The following CLDN25 variants were observed in gnomAD, a reference collection of about 807,000 sequenced individuals.
CLDN25 encodes claudin-25.
For missense variants in CLDN25, 286 were observed against 279.7 expected, an observed-to-expected ratio of 1.02 and a Z score of -0.16; for synonymous variants, 117 against 112.7, an observed-to-expected ratio of 1.04 and a Z score of -0.24.
rs1426536637 is a variant in CLDN25 at position 113,780,232 on chromosome 11, A to C, written c.437A>C (p.Gln146Pro). 3 of 1,613,600 alleles carry C rather than the reference A, an allele frequency of 1.9e-6. No homozygotes were observed. In the African/African-American group the frequency reaches 4.0e-5, roughly 22 times the overall value. ...TCCTGGGTGGCCCATGCCACAATCC[A>C]AGACTTCTGGGATGACAGCATCCCT... The change falls in exon 1 of 1, where the codon CAA (glutamine) becomes CCA (proline). Residue 146 changes from glutamine (Q) to proline (P), a missense_variant. Physicochemically the swap from Gln to Pro is moderately conservative, Grantham distance 76. Coordinates refer to ENST00000453129, the Ensembl canonical transcript of CLDN25.
chr11:113,780,002 C>T (rs1441404234), exon 1 of CLDN25: 2 of 1,614,012 alleles, frequency 1.2e-6, no homozygotes, highest in South Asian at 1.1e-5. Flanking sequence ...CCTTTGAATC[C>T]TTCTTGTCTC....
chr11:113,779,991 G>T (rs866329317), exon 1 of CLDN25: 2 of 1,613,886 alleles, frequency 1.2e-6, no homozygotes, highest in African/African-American at 1.3e-5. Context: ...TGTGTGCAAG[G>T]CCTTTGAATC....
exon 1 of CLDN25, chr11:113,780,396 G>A: frequency 6.2e-7 from 1 of 1,613,806 alleles, no homozygotes; most frequent in Non-Finnish European, 8.5e-7. Context: ...TTTGATGGCT[G>A]GTCCCACAGT....
exon 1 of CLDN25, chr11:113,780,196 T>G (rs777057182): frequency 1.9e-6 from 3 of 1,613,944 alleles, no homozygotes; most frequent in Non-Finnish European, 2.5e-6. Flanking sequence ...GCCACTACCC[T>G]CCTTCCAGTC....
exon 1 of CLDN25, chr11:113,780,267 C>A (rs746991778): frequency 2.5e-6 from 4 of 1,613,756 alleles, no homozygotes; most frequent in Non-Finnish European, 3.4e-6. Context: ...TGACATCATA[C>A]CTCGGTGGGA....
exon 1 of CLDN25, chr11:113,780,335 G>A: frequency 6.2e-7 from 1 of 1,613,790 alleles, no homozygotes; most frequent in Non-Finnish European, 8.5e-7. Flanking sequence ...CTCTTGGTGG[G>A]CTACTCCTCA....
At chr11:113,780,129 T>A (rs758997931) in exon 1 of CLDN25, 2 of 1,613,988 alleles carry the variant, frequency 1.2e-6, no homozygotes, top group Non-Finnish European at 1.7e-6. Flanking sequence ...CAGGATCAGA[T>A]GGGTATTCAA....
At chr11:113,780,037 G>T (rs781067415) in exon 1 of CLDN25, 1 of 1,614,042 alleles carries the variant, frequency 6.2e-7, no homozygotes, top group South Asian at 1.1e-5. Context: ...CAGGTAGCCC[G>T]CATCCTCATG....
At chr11:113,779,813 T>G (rs1199620128) in exon 1 of CLDN25, 6 of 1,611,614 alleles carry the variant, frequency 3.7e-6, no homozygotes, top group Middle Eastern at 3.3e-4. Flanking sequence ...GGAGTTTCCG[T>G]GCAAAAGTCC....
At chr11:113,779,816 A>T (rs371018780) in exon 1 of CLDN25, 1 of 1,611,876 alleles carries the variant, frequency 6.2e-7, no homozygotes, top group African/African-American at 1.3e-5. Context: ...GTTTCCGTGC[A>T]AAAGTCCAGC....
chr11:113,780,227 A>G, exon 1 of CLDN25: 3 of 1,613,856 alleles, frequency 1.9e-6, no homozygotes, highest in Non-Finnish European at 2.5e-6. Flanking sequence ...CCCATGCCAC[A>G]ATCCAAGACT....
In CLDN25 at chr11:113,779,858, G is replaced by A. The variant is rs769944171; in HGVS notation, c.63G>A (p.Trp21Ter). Reference sequence around the variant, plus strand: ...GGCTACTTCTCTCCCTCCTTGGCTGGGTCTGCTCCTGTGTTACCACCATCC... The same window carrying A: ...GGCTACTTCTCTCCCTCCTTGGCTGAGTCTGCTCCTGTGTTACCACCATCC... Residue 21 changes from tryptophan to a stop codon, truncating the protein, a stop_gained, in exon 1 of 1, where the codon TGG becomes TGA. Transcript: ENST00000453129. LOFTEE classifies it low-confidence loss of function (END_TRUNC). 3 of 1,613,928 alleles carry A rather than the reference G, an allele frequency of 1.9e-6. No homozygotes were observed. The South Asian group carries it at 3.3e-5, about 18-fold the overall frequency.
rs907346246 is a variant in CLDN25 at position 113,779,953 on chromosome 11, T to C, written c.158T>C (p.Val53Ala). 3.1e-6 allele frequency: 5 copies of C among 1,613,680 alleles called. No homozygotes were observed. The African/African-American group carries it at 4.0e-5, about 13-fold the overall frequency. ...ACCTGGATCATGGGGATTTGGGAGG[T>C]CTGCGTGGATCGAGAGGAAGTCGCC... is the stretch of plus-strand genomic sequence containing the variant. Residue 53 changes from valine (V) to alanine (A), a missense_variant, in exon 1 of 1, where the codon GTC becomes GCC. Coordinates refer to ENST00000453129, the Ensembl canonical transcript of CLDN25.
chr11:113,780,461 A>G (rs767481514), exon 1 of CLDN25: 2 of 1,612,708 alleles, frequency 1.2e-6, no homozygotes, highest in Admixed American at 3.3e-5. Context: ...ACCTCATGCT[A>G]AGACCTAGGA....
exon 1 of CLDN25, chr11:113,780,338 A>T (rs551863211): frequency 3.0e-5 from 48 of 1,611,746 alleles, no homozygotes; most frequent in Non-Finnish European, 4.0e-5. Flanking sequence ...TTGGTGGGCT[A>T]CTCCTCATCT....
exon 1 of CLDN25, chr11:113,780,387 T>C (rs1162055181): frequency 6.2e-7 from 1 of 1,613,864 alleles, no homozygotes; most frequent in Non-Finnish European, 8.5e-7. Flanking sequence ...GCCTTTTCCT[T>C]TGATGGCTGG....
exon 1 of CLDN25, chr11:113,779,927 G>A (rs556650979): frequency 9.9e-6 from 16 of 1,614,036 alleles, no homozygotes; most frequent in African/African-American, 8.0e-5. Context: ...ACGAGATGGA[G>A]ACCTGGATCA....
exon 1 of CLDN25, chr11:113,780,056 C>G: frequency 2.5e-6 from 4 of 1,614,022 alleles, no homozygotes; most frequent in Non-Finnish European, 3.4e-6. Flanking sequence ...TGGTAGCCTC[C>G]CATGGGCTGG....
chr11:113,780,216 G>A (rs187854554), exon 1 of CLDN25: 2 of 1,613,752 alleles, frequency 1.2e-6, no homozygotes, highest in Admixed American at 1.7e-5. Context: ...CTCCTGGGTG[G>A]CCCATGCCAC....
Sources: allele counts gnomAD v4.1 joint callset, GRCh38; gene constraint gnomAD v4.1.1; transcripts MANE v1.5; gene names NCBI Gene and HGNC (gene_info 2026-07-23, HGNC 2026-07-21).